The following ANKRD27 variants were observed in gnomAD, a reference collection of about 807,000 sequenced individuals.
The protein encoded by ANKRD27 is ankyrin repeat domain 27, also known as ankyrin repeat domain-containing protein 27.
In ANKRD27, 112 loss-of-function variants were observed where a neutral mutation model predicts 129.7. The ratio of observed to expected loss-of-function variants is 0.86; its 90% confidence interval spans 0.74 to 1.01. ANKRD27 has a LOEUF of 1.01. ANKRD27 is among the 50% of genes least tolerant of loss of function. ANKRD27 has a pLI of 0.00. For missense variants in ANKRD27, 1,258 were observed against 1,300.5 expected, an observed-to-expected ratio of 0.97 and a Z score of 0.50; for synonymous variants, 516 against 511.2, an observed-to-expected ratio of 1.01 and a Z score of -0.13.
At position 32,597,092 on chromosome 19, in the gene ANKRD27, T is replaced by C. The variant is rs910014336; in HGVS notation, c.*1053A>G. On this transcript the variant is annotated 3_prime_UTR_variant, in exon 29 of 29. Transcript: ENST00000306065. Reference sequence around the variant, plus strand: ...GAAAATTAGAAATCATAAATTACTTTGTAGAAAAATAATCCCTCCCTTCCT... The same window carrying C: ...GAAAATTAGAAATCATAAATTACTTCGTAGAAAAATAATCCCTCCCTTCCT... 6.6e-6 allele frequency: 1 copy of C among 152,304 alleles called. No individual in the cohort carries two copies. The highest frequency in any genetic ancestry group is 2.4e-5 in the African/African-American group (1 of 41,410). The allele number at this position is 152,304 out of a possible 1,614,324, so 9.4% of individuals were successfully genotyped here.
chr19:32,630,357 C>T (rs1010493127), intron 13 of ANKRD27, among the ~76,000 whole-genome samples: 2 of 152,242 alleles, frequency 1.3e-5, no homozygotes, highest in African/African-American at 4.8e-5. Flanking sequence ...AGCGGCCTGC[C>T]TGTGGCCAGT....
chr19:32,664,919 CAAAAAAAAA>C (rs35300883), intron 1 of ANKRD27, among the ~76,000 whole-genome samples: 3 of 95,910 alleles, frequency 3.1e-5, no homozygotes, highest in African/African-American at 1.1e-4. Context: ...GACTCTGTCT[CAAAAAAAAA>C]AAAAAAAAAA....
At chr19:32,631,888 T>C (rs1362954164) in intron 12 of ANKRD27, among the ~76,000 whole-genome samples, 14 of 152,222 alleles carry the variant, frequency 9.2e-5, no homozygotes, top group Admixed American at 8.5e-4. Context: ...TGCTGTCTTA[T>C]CTGAGGCCTT....
chr19:32,605,994 TTC>T (rs781006369), intron 23 of ANKRD27, 40 bp from the exon 24 acceptor site: 1 of 1,556,536 alleles, frequency 6.4e-7, no homozygotes, highest in South Asian at 1.2e-5. Context: ...TAATCAAAAT[TTC>T]TGTCATTTCC....
At chr19:32,640,274 T>C (rs1247630317) in intron 11 of ANKRD27, 33 bp downstream of exon 11, 6 of 1,588,826 alleles carry the variant, frequency 3.8e-6, no homozygotes, top group Non-Finnish European at 5.2e-6. Context: ...AGCACTGCCA[T>C]TTTCAAAAGA....
At chr19:32,650,158 T>C (rs1407343788) in intron 2 of ANKRD27, among the ~76,000 whole-genome samples, 1 of 152,156 alleles carries the variant, frequency 6.6e-6, no homozygotes, top group African/African-American at 2.4e-5. Context: ...AGCACAGTTA[T>C]AAGGACCCAG....
chr19:32,626,712 C>G lies in ANKRD27; in HGVS notation c.1536G>C (p.Thr512=). The change falls in exon 16 of 29, where the codon ACG becomes ACC. Residue 512 remains threonine, a splice_region_variant and synonymous_variant. Transcript: ENST00000306065. ...CCGCCACAAAGGCACCACTGCTCAC[C>G]GTCACGCTCTGGTAGCCCTTCTGAC... ...LACQKGYQSV[T]LLLLHYKASA... is the part of the protein sequence containing the mutation. 6.2e-7 allele frequency: 1 copy of G among 1,601,498 alleles called. No homozygotes were observed. Among genetic ancestry groups the G allele is most frequent in the Non-Finnish European group, 8.5e-7 (1 of 1,173,990 alleles).
rs561377802 is a variant in ANKRD27, at chr19:32,622,449, C to T, written c.1800G>A (p.Thr600=). 3.5e-5 allele frequency: 56 copies of T among 1,613,694 alleles called. No homozygotes were observed. Among genetic ancestry groups the T allele is most frequent in the Middle Eastern group, 3.3e-4 (2 of 6,062 alleles). The stretch of plus-strand genomic sequence containing the variant: ...TTGAGTTTAATGCACACTTGAGGGG[C>T]GTCTCCTTCAGTCTGTTCTGGATCT... The part of the protein sequence containing the change: ...STEIQNRLKE[T]PLKCALNSKI... The change falls in exon 18 of 29, where the codon ACG becomes ACA. Residue 600 remains threonine, a synonymous_variant. Transcript: ENST00000306065.
intron 22 of ANKRD27, among the ~76,000 whole-genome samples, chr19:32,613,684 T>C (rs1295225463): frequency 2.0e-5 from 3 of 151,324 alleles, no homozygotes; most frequent in Non-Finnish European, 4.4e-5. Flanking sequence ...AAGGATTGTA[T>C]ACTGTGATTA....
chr19:32,599,307 G>T (rs1205170817), intron 28 of ANKRD27, among the ~76,000 whole-genome samples: 1 of 144,112 alleles, frequency 6.9e-6, no homozygotes, highest in African/African-American at 2.4e-5. Context: ...AAATGTAGTG[G>T]GAAGATGGCC....
rs551233470 is a variant in ANKRD27, at chr19:32,659,029, G to A, written c.-14C>T. 3.8e-5 allele frequency: 61 copies of A among 1,588,504 alleles called. No homozygotes were observed. In the East Asian group the frequency reaches 9.8e-4, roughly 26 times the overall value. On this transcript the variant is annotated 5_prime_UTR_variant, in exon 2 of 29. Transcript: ENST00000306065. ...ATACAGAGCCATATGGACTTCAGAT[G>A]GGTCAGAGCAAATCTCCTGCAATAA...
Position 32,619,272 on chromosome 19 carries a change from C to T in ANKRD27, c.1995G>A (p.Lys665=), listed in dbSNP as rs1284343218. 6.2e-7 allele frequency: 1 copy of T among 1,613,208 alleles called. No homozygotes were observed. The highest frequency in any genetic ancestry group is 1.3e-5 in the African/African-American group (1 of 74,906). The part of the protein sequence containing the change: ...SASSRQEETK[K]DYREVEKLLR... ...CTGGAAGCCTCACCTCTCTGTAGTC[C>T]TTCTTGGTCTCCTCCTGCCTTGAGC... The change falls in exon 20 of 29, where the codon AAG becomes AAA. Residue 665 remains lysine (K), a synonymous_variant. Transcript: ENST00000306065.
intron 22 of ANKRD27, among the ~76,000 whole-genome samples, chr19:32,611,793 C>A (rs1001955005): frequency 2.0e-5 from 3 of 152,194 alleles, no homozygotes; most frequent in Non-Finnish European, 4.4e-5. Flanking sequence ...GTTGGTCAGG[C>A]TGGTCTCGAA....
At chr19:32,644,255 T>C (rs574877513) in intron 5 of ANKRD27, 70 bp downstream of exon 5, 1 of 1,532,560 alleles carries the variant, frequency 6.5e-7, no homozygotes, top group South Asian at 1.2e-5. Flanking sequence ...CAGAGGAAAC[T>C]GAGGGCTCCC....
In ANKRD27 at chr19:32,672,859, A is replaced by C. The variant is rs1967898925; in HGVS notation, c.-31+2212T>G. The stretch of plus-strand genomic sequence containing the variant: ...CTCAGTGTTCCTCAGATGGAGAATC[A>C]ACCTCAGGACAAATCAAGTCTGGAT... On this transcript the variant is annotated intron_variant, in intron 1 of 28. Transcript: ENST00000306065. 1.3e-5 allele frequency: 2 copies of C among 152,486 alleles called. 1 individual carries two copies. Among genetic ancestry groups the C allele is most frequent in the Admixed American group, 1.3e-4 (2 of 15,272 alleles). 9.4% of individuals were successfully genotyped at this position (152,486 alleles called of 1,614,324 possible).
intron 3 of ANKRD27, among the ~76,000 whole-genome samples, chr19:32,648,940 C>G (rs1182791798): frequency 1.3e-5 from 2 of 148,376 alleles, no homozygotes; most frequent in Non-Finnish European, 3.0e-5. Flanking sequence ...GAAATTATTT[C>G]AAAACAAAAA....
intron 22 of ANKRD27, chr19:32,608,393 A>G (rs935078077): frequency 5.9e-5 from 21 of 358,756 alleles, no homozygotes; most frequent in Middle Eastern, 4.4e-4. Context: ...CGCAAAGGCG[A>G]CGAGATTCAC....
intron 15 of ANKRD27, 58 bp from the exon 16 acceptor site, chr19:32,626,885 T>C (rs1305564698): frequency 8.1e-7 from 1 of 1,235,936 alleles, no homozygotes; most frequent in Admixed American, 2.0e-5. Context: ...TTCCACACCT[T>C]AACTGTAAAA....
rs146926319 is a variant in ANKRD27 at position 32,629,061 on chromosome 19, G to C, written c.1210-212C>G. ...TCAGCCTCCCAAGTAGCTGGGATTAGAGGCATCTGCCACCACACCTGGCTA... is the reference window on the plus strand; with the variant it reads ...TCAGCCTCCCAAGTAGCTGGGATTACAGGCATCTGCCACCACACCTGGCTA... On this transcript the variant is annotated intron_variant, in intron 13 of 28. Transcript: ENST00000306065. 0.017 allele frequency among the ~76,000 whole-genome samples: 2,591 copies of C among 152,188 alleles called. 135 individuals are homozygous for C. The East Asian group carries it at 0.21, about 12-fold the overall frequency.
Sources: allele counts gnomAD v4.1 joint callset (sites outside exome capture counted in the v4.1 genomes callset), GRCh38; gene constraint gnomAD v4.1.1; transcripts MANE v1.5; gene names NCBI Gene and HGNC (gene_info 2026-07-23, HGNC 2026-07-21).